TBCE: variants seen among roughly 807,000 people sequenced by gnomAD.
The protein encoded by TBCE is tubulin folding cofactor E.
TBCE carries 53 observed loss-of-function variants against 77.0 expected under a neutral mutation model. The observed-to-expected ratio is 0.69, with a 90% CI of 0.55 to 0.87. The LOEUF is 0.87. TBCE is among the 40% of genes least tolerant of loss of function. TBCE has a pLI of 0.00. For synonymous variants in TBCE, 235 were observed against 241.3 expected (o/e 0.97, Z 0.24); for missense variants, 624 against 622.4 (o/e 1.00, Z -0.03).
chr1:235,418,841 T>C (rs557636752), intron 4 of TBCE, among the ~76,000 whole-genome samples: 149 of 152,330 alleles, frequency 9.8e-4, no homozygotes, highest in African/African-American at 3.5e-3. Flanking sequence ...TGTAATTGTT[T>C]AGGGATATGG....
At chr1:235,374,650 G>A (rs1316240360) in intron 1 of TBCE, among the ~76,000 whole-genome samples, 4 of 142,802 alleles carry the variant, frequency 2.8e-5, no homozygotes, top group East Asian at 4.0e-4. Flanking sequence ...ACAGGTATCC[G>A]CCACCACACC....
chr1:235,381,935 G>C (rs1420237675), intron 2 of TBCE, among the ~76,000 whole-genome samples: 2 of 143,176 alleles, frequency 1.4e-5, no homozygotes, highest in African/African-American at 5.1e-5. Context: ...TTTAGCATTA[G>C]GTATATCTCC....
chr1:235,433,253 C>A, intron 7 of TBCE: 1 of 1,114,996 alleles, frequency 9.0e-7, no homozygotes, highest in Non-Finnish European at 1.1e-6. Flanking sequence ...TGGAGTCTTG[C>A]TCTGTTGCCT....
intron 8 of TBCE, among the ~76,000 whole-genome samples, chr1:235,434,776 T>C (rs562414873): frequency 3.5e-4 from 54 of 152,216 alleles, no homozygotes; most frequent in African/African-American, 1.3e-3. Context: ...CAGGCTGGTC[T>C]CGAACTCCTG....
intron 2 of TBCE, among the ~76,000 whole-genome samples, chr1:235,382,809 CTTTAG>C (rs1677761544): frequency 7.0e-6 from 1 of 143,492 alleles, no homozygotes; most frequent in Non-Finnish European, 1.5e-5. Context: ...TGCAGAAGCT[CTTTAG>C]TTTAATTAGA....
At chr1:235,411,474 G>A (rs551531459) in intron 3 of TBCE, among the ~76,000 whole-genome samples, 81 of 152,268 alleles carry the variant, frequency 5.3e-4, no homozygotes, top group African/African-American at 1.8e-3. Context: ...TCTGTGGTTC[G>A]CCAGAAAGAT....
At chr1:235,437,555 T>C in intron 12 of TBCE, 81 bp downstream of exon 12, 2 of 1,536,206 alleles carry the variant, frequency 1.3e-6, no homozygotes, top group South Asian at 2.3e-5. Context: ...CTCACACCTG[T>C]AATCCCAGCA....
At chr1:235,375,593 A>ACC (rs1473510699) in intron 1 of TBCE, among the ~76,000 whole-genome samples, 2 of 152,234 alleles carry the variant, frequency 1.3e-5, no homozygotes, top group East Asian at 3.9e-4. Flanking sequence ...GGAAACAGGG[A>ACC]CCCACTGGTT....
chr1:235,369,585 G>A (rs927963384), intron 1 of TBCE, among the ~76,000 whole-genome samples: 26 of 151,876 alleles, frequency 1.7e-4, no homozygotes, highest in African/African-American at 6.3e-4. Flanking sequence ...ACTTTGGGAG[G>A]CCAAGACTGG....
chr1:235,419,555 T>A lies in TBCE; in HGVS notation c.454T>A (p.Cys152Ser), dbSNP rs764592612. ...AGEKGGVAEA[C>S]PNIRKVDLSK... ...TGAAAAAGGAGGAGTTGCTGAAGCA[T>A]GTCCTAGTATCCTTTTCACCGAGAG... The change falls in exon 5 of 17, where the codon TGT (cysteine) becomes AGT (serine). Residue 152 changes from cysteine to serine, a missense_variant. Physicochemically the swap from Cys to Ser is moderately radical, Grantham distance 112 (BLOSUM62 -1). Transcript: ENST00000642610. The A allele has an allele frequency of 6.2e-7, 1 of 1,614,148 alleles. No homozygotes were observed. The highest frequency in any genetic ancestry group is 1.3e-5 in the African/African-American group (1 of 75,038).
chr1:235,368,380 AG>A (rs1381058044), intron 1 of TBCE, among the ~76,000 whole-genome samples: 1 of 152,058 alleles, frequency 6.6e-6, no homozygotes, highest in African/African-American at 2.4e-5. Flanking sequence ...AGATGAAGAG[AG>A]AAGACTTTTC....
chr1:235,442,192 C>CG (rs527650854), intron 14 of TBCE, among the ~76,000 whole-genome samples: 6 of 151,654 alleles, frequency 4.0e-5, no homozygotes, highest in Non-Finnish European at 7.4e-5. Context: ...TTAATCGAGA[C>CG]GGAGTTTTGC....
At position 235,450,222 on chromosome 1, in the gene TBCE, C is replaced by A. The variant is rs111541487; in HGVS notation, c.*1460C>A. The A allele has an allele frequency of 6.2e-7, 1 of 1,614,102 alleles. No homozygotes were observed. On this transcript the variant is annotated 3_prime_UTR_variant, in exon 17 of 17. Coordinates refer to ENST00000642610, the MANE Select transcript of TBCE (RefSeq NM_003193.5). The stretch of plus-strand genomic sequence containing the variant: ...AAGTCCCTGTTATCTTGCTTGACAT[C>A]GACAAGGATCACCGCACCGTTCCTT...
At chr1:235,421,797 C>G (rs1680413646) in intron 5 of TBCE, among the ~76,000 whole-genome samples, 1 of 152,206 alleles carries the variant, frequency 6.6e-6, no homozygotes, top group African/African-American at 2.4e-5. Context: ...TCTGTCTGAT[C>G]TGTACATAAT....
intron 2 of TBCE, among the ~76,000 whole-genome samples, chr1:235,397,086 T>C (rs946211800): frequency 2.6e-5 from 4 of 152,110 alleles, no homozygotes; most frequent in Admixed American, 6.6e-5. Context: ...GCGATTCTTT[T>C]GCCTTAGCCT....
intron 1 of TBCE, among the ~76,000 whole-genome samples, chr1:235,372,946 G>T (rs1033066870): frequency 9.9e-5 from 14 of 141,982 alleles, no homozygotes; most frequent in African/African-American, 3.0e-4. Context: ...AAAAAAAAAA[G>T]AGAGAAATTA....
chr1:235,450,209 T>C lies in TBCE; in HGVS notation c.*1447T>C, dbSNP rs771201182. The C allele has an allele frequency of 4.3e-6, 7 of 1,614,038 alleles. No homozygotes were observed. The highest frequency in any genetic ancestry group is 1.6e-4 in the Middle Eastern group (1 of 6,082). On this transcript the variant is annotated 3_prime_UTR_variant, in exon 17 of 17. Coordinates refer to ENST00000642610, the MANE Select transcript of TBCE (RefSeq NM_003193.5). ...ACTCTGCTAATTCAAGTCCCTGTTA[T>C]CTTGCTTGACATCGACAAGGATCAC...
chr1:235,423,436 A>G (rs1231991554), intron 5 of TBCE, among the ~76,000 whole-genome samples: 1 of 152,142 alleles, frequency 6.6e-6, no homozygotes, highest in African/African-American at 2.4e-5. Flanking sequence ...CAGTGAGGGA[A>G]GCGTGATTGG....
chr1:235,369,832 CA>C (rs113566222), intron 1 of TBCE, among the ~76,000 whole-genome samples: 14,753 of 111,852 alleles, frequency 0.13, 1,012 homozygotes, highest in African/African-American at 0.24. Flanking sequence ...AACTCTGTCT[CA>C]AAAAAAAAAA....
Sources: allele counts gnomAD v4.1 joint callset (sites outside exome capture counted in the v4.1 genomes callset), GRCh38; gene constraint gnomAD v4.1.1; transcripts MANE v1.5; gene names NCBI Gene and HGNC (gene_info 2026-07-23, HGNC 2026-07-21).